The following PIR variants were observed in gnomAD, a reference collection of about 807,000 sequenced individuals.
PIR encodes pirin.
Under a neutral mutation model 24.2 loss-of-function variants are expected in PIR, and 22 were observed. The observed-to-expected ratio is 0.91, with a 90% CI of 0.65 to 1.30. The LOEUF (loss-of-function observed/expected upper bound fraction) is 1.30, where lower values mean the gene tolerates loss of function less well. Among genes scored for constraint, PIR ranks in the 50% most tolerant of loss-of-function variants. PIR has a pLI of 0.00. For missense variants in PIR, 220 were observed against 220.3 expected, an observed-to-expected ratio of 1.00 and a Z score of 0.01; for synonymous variants, 80 against 79.6, an observed-to-expected ratio of 1.00 and a Z score of -0.03.
At position 15,463,761 on chromosome X, in the gene PIR, A is replaced by G. The variant is rs772430014; in HGVS notation, c.190-4021T>C. On this transcript the variant is annotated intron_variant, in intron 3 of 9. Coordinates refer to ENST00000380420, the MANE Select transcript of PIR (RefSeq NM_001018109.3). ...GGGAAATTAATATATGAAAGTAGCA[A>G]TTTCAAATCAGTGGGGCAAGGATGT... Among the ~76,000 whole-genome samples, 43 of 112,503 alleles carry G rather than the reference A, an allele frequency of 3.8e-4. No individual in the cohort carries two copies. The South Asian group carries it at 0.016, about 41-fold the overall frequency.
rs1602264994 is a variant in PIR at position 15,432,296 on chromosome X, C to T, written c.481-6306G>A. Reference sequence around the variant, plus strand: ...TGCTGAATAACAGTTCTGCTCAACCCTTGTGAAGTATTACTTTCTAGTGAA... The same window carrying T: ...TGCTGAATAACAGTTCTGCTCAACCTTTGTGAAGTATTACTTTCTAGTGAA... On this transcript the variant is annotated intron_variant, in intron 5 of 9. Transcript: ENST00000380420. Among the ~76,000 whole-genome samples the T allele has an allele frequency of 2.7e-5, 3 of 111,883 alleles. No individual in the cohort carries two copies. In the South Asian group the frequency reaches 1.1e-3, roughly 41 times the overall value.
chrX:15,458,149 C>A (rs535199133), intron 4 of PIR, among the ~76,000 whole-genome samples: 3 of 111,740 alleles, frequency 2.7e-5, no homozygotes, highest in Middle Eastern at 9.2e-3. Flanking sequence ...ATTTTCAATA[C>A]CTTGGTTATC....
chrX:15,425,837 C>T (rs1017569191), intron 6 of PIR, 69 bp downstream of exon 6: 2 of 612,899 alleles, frequency 3.3e-6, no homozygotes, highest in Non-Finnish European at 5.4e-6. Context: ...GGCAAAACAG[C>T]CTCTTGTTGG....
chrX:15,397,630 A>C, intron 7 of PIR, 99 bp from the exon 8 acceptor site: 1 of 508,866 alleles, frequency 2.0e-6, no homozygotes, highest in Non-Finnish European at 3.4e-6. Flanking sequence ...CATTTATTTT[A>C]ATTTGAGAAA....
intron 5 of PIR, among the ~76,000 whole-genome samples, chrX:15,453,973 G>C (rs780357857): frequency 9.0e-6 from 1 of 111,408 alleles, no homozygotes; most frequent in Non-Finnish European, 1.9e-5. Context: ...CTTCTGCTTT[G>C]GTTGAAGCAG....
chrX:15,402,564 ATTAAG>A (rs756456974), intron 7 of PIR, among the ~76,000 whole-genome samples: 12 of 111,665 alleles, frequency 1.1e-4, no homozygotes, highest in African/African-American at 3.3e-4. Flanking sequence ...AAAATTTGCA[ATTAAG>A]TTATTATTCA....
intron 7 of PIR, among the ~76,000 whole-genome samples, chrX:15,403,471 CT>C (rs1924454723): frequency 8.9e-6 from 1 of 112,327 alleles, no homozygotes; most frequent in Non-Finnish European, 1.9e-5. Context: ...CTTTTCTATC[CT>C]TTTGATCTCT....
chrX:15,403,818 CAAAT>C (rs776129404), intron 7 of PIR, among the ~76,000 whole-genome samples: 2 of 111,167 alleles, frequency 1.8e-5, no homozygotes, highest in African/African-American at 3.3e-5. Flanking sequence ...AGATGAGTCT[CAAAT>C]GAATACTTTC....
intron 5 of PIR, among the ~76,000 whole-genome samples, chrX:15,432,031 T>G (rs1925526357): frequency 9.0e-6 from 1 of 110,837 alleles, no homozygotes; most frequent in African/African-American, 3.3e-5. Flanking sequence ...TTATTAATTT[T>G]AAAATAATAG....
intron 2 of PIR, among the ~76,000 whole-genome samples, chrX:15,481,188 C>A (rs1327929111): frequency 8.9e-6 from 1 of 112,148 alleles, no homozygotes; most frequent in Non-Finnish European, 1.9e-5. Context: ...TTTGATATAT[C>A]CATATAAATG....
intron 6 of PIR, among the ~76,000 whole-genome samples, chrX:15,415,153 C>T (rs1924872222): frequency 9.0e-6 from 1 of 111,365 alleles, no homozygotes; most frequent in African/African-American, 3.3e-5. Context: ...GAAACTCAGT[C>T]CCATTACTCA....
At chrX:15,430,928 G>T (rs1925485564) in intron 5 of PIR, among the ~76,000 whole-genome samples, 1 of 111,986 alleles carries the variant, frequency 8.9e-6, no homozygotes, top group African/African-American at 3.3e-5. Context: ...AAATGCTGCT[G>T]TTTTTACCAC....
intron 7 of PIR, among the ~76,000 whole-genome samples, chrX:15,404,486 C>T (rs1199089272): frequency 8.9e-6 from 1 of 111,881 alleles, no homozygotes; most frequent in Non-Finnish European, 1.9e-5. Flanking sequence ...CCCGATACAC[C>T]AAGTATATAT....
intron 2 of PIR, among the ~76,000 whole-genome samples, chrX:15,488,076 T>G (rs955713716): frequency 1.8e-5 from 2 of 109,334 alleles, no homozygotes; most frequent in Non-Finnish European, 3.8e-5. Flanking sequence ...GTTGGGAGTT[T>G]GAGACCAGCC....
intron 8 of PIR, among the ~76,000 whole-genome samples, chrX:15,394,596 C>T (rs1214735420): frequency 9.0e-6 from 1 of 111,091 alleles, no homozygotes; most frequent in African/African-American, 3.3e-5. Flanking sequence ...TGAGATGGAG[C>T]CTTTCATATC....
intron 7 of PIR, among the ~76,000 whole-genome samples, chrX:15,405,031 C>A (rs1924511994): frequency 9.0e-6 from 1 of 111,588 alleles, no homozygotes; most frequent in African/African-American, 3.3e-5. Context: ...TGCCTCATCT[C>A]AAGAAAAACA....
intron 6 of PIR, among the ~76,000 whole-genome samples, chrX:15,425,560 C>T (rs747093289): frequency 2.4e-4 from 26 of 110,093 alleles, no homozygotes; most frequent in African/African-American, 6.6e-4. Context: ...TACAGGCGTG[C>T]GCCACCACGC....
At chrX:15,486,759 T>C (rs1160341697) in intron 2 of PIR, among the ~76,000 whole-genome samples, 1 of 112,093 alleles carries the variant, frequency 8.9e-6, no homozygotes, top group Non-Finnish European at 1.9e-5. Flanking sequence ...GCACTAAGAA[T>C]GTACTAAGAA....
At chrX:15,427,730 C>T (rs779626605) in intron 5 of PIR, among the ~76,000 whole-genome samples, 60 of 107,923 alleles carry the variant, frequency 5.6e-4, no homozygotes, top group Non-Finnish European at 8.8e-4. Flanking sequence ...ATATATATAC[C>T]GTCAATAACT....
Sources: allele counts gnomAD v4.1 joint callset (sites outside exome capture counted in the v4.1 genomes callset), GRCh38; gene constraint gnomAD v4.1.1; transcripts MANE v1.5; gene names NCBI Gene and HGNC (gene_info 2026-07-23, HGNC 2026-07-21).